The following NME7 variants were observed in gnomAD, a reference collection of about 807,000 sequenced individuals.
NME7 encodes NME/NM23 family member 7.
Under a neutral mutation model 49.1 loss-of-function variants are expected in NME7, and 41 were observed. The ratio of observed to expected loss-of-function variants is 0.83; its 90% CI spans 0.65 to 1.08. NME7 has a LOEUF of 1.08. Among genes scored for constraint, NME7 ranks in the 50% least tolerant of loss-of-function variants. The pLI, the probability that NME7 is intolerant of heterozygous loss-of-function variation, is 0.00. For synonymous variants in NME7, 139 were observed against 150.6 expected, an observed-to-expected ratio of 0.92 and a Z score of 0.56; for missense variants, 423 against 463.4, an observed-to-expected ratio of 0.91 and a Z score of 0.80.
intron 5 of NME7, chr1:169,302,247 AT>A (rs1650970467): frequency 6.6e-6 from 1 of 152,142 alleles, no homozygotes; most frequent in Non-Finnish European, 1.5e-5. Flanking sequence ...CTTAAATCCC[AT>A]TACTGCTATA....
intron 11 of NME7, among the ~76,000 whole-genome samples, chr1:169,146,421 A>G (rs889213563): frequency 6.6e-6 from 1 of 152,208 alleles, no homozygotes; most frequent in Non-Finnish European, 1.5e-5. Flanking sequence ...AAACTCACCA[A>G]AAGTACAGCC....
At chr1:169,204,903 T>TAATTCC (rs1660634558) in intron 10 of NME7, among the ~76,000 whole-genome samples, 1 of 152,150 alleles carries the variant, frequency 6.6e-6, no homozygotes, top group African/African-American at 2.4e-5. Flanking sequence ...ACAGATGGTG[T>TAATTCC]AATTCCATTG....
intron 10 of NME7, among the ~76,000 whole-genome samples, chr1:169,183,018 A>G (rs1267316186): frequency 6.6e-6 from 1 of 152,218 alleles, no homozygotes; most frequent in African/African-American, 2.4e-5. Context: ...ACTAGGACAC[A>G]CCTGCCTGAG....
intron 9 of NME7, 97 bp downstream of exon 9, chr1:169,235,034 G>A (rs1410816480): frequency 1.9e-6 from 1 of 539,804 alleles, no homozygotes. Context: ...TTTCAGTCTG[G>A]CCATTTGGGA....
intron 11 of NME7, among the ~76,000 whole-genome samples, chr1:169,165,099 A>ATTAT (rs3981319): frequency 2.0e-5 from 3 of 151,850 alleles, no homozygotes; most frequent in African/African-American, 7.2e-5. Context: ...AATGTCTCAT[A>ATTAT]AATACCATAA....
At chr1:169,313,131 A>G (rs1651462238) in intron 3 of NME7, among the ~76,000 whole-genome samples, 1 of 151,660 alleles carries the variant, frequency 6.6e-6, no homozygotes, top group Non-Finnish European at 1.5e-5. Flanking sequence ...AAACTAAAAA[A>G]GTTGATATTT....
At chr1:169,146,622 C>T (rs544720840) in intron 11 of NME7, among the ~76,000 whole-genome samples, 5 of 152,182 alleles carry the variant, frequency 3.3e-5, no homozygotes, top group Non-Finnish European at 5.9e-5. Context: ...AACCCAATGA[C>T]CTTTTAATAA....
At position 169,150,688 on chromosome 1, in the gene NME7, A is replaced by G. The variant is rs372172305; in HGVS notation, c.1099-17871T>C. Among the ~76,000 whole-genome samples the G allele has an allele frequency of 5.2e-4, 79 of 151,936 alleles. 2 individuals carry two copies. In the East Asian group the frequency reaches 0.013, roughly 25 times the overall value. On this transcript the variant is annotated intron_variant, in intron 11 of 11. Transcript: ENST00000367811. ...TCTCAAACTTCAGCTACAAAAGGGAATCATCCATGAGTTTAATTGTACTGC... is the reference window on the plus strand; with the variant it reads ...TCTCAAACTTCAGCTACAAAAGGGAGTCATCCATGAGTTTAATTGTACTGC...
Position 169,197,920 on chromosome 1 carries a change from AACAG to A in NME7, c.991-28370_991-28367del, listed in dbSNP as rs551242112. On this transcript the variant is annotated intron_variant, in intron 10 of 11. Coordinates refer to ENST00000367811, the MANE Select transcript of NME7 (RefSeq NM_013330.5). ...TTCAAAGGACACCAACAAGAAAAGT[AACAG>A]ACAGCCCACAGAATGGGAGAAAATA... Among the ~76,000 whole-genome samples the A allele has an allele frequency of 8.5e-5, 13 of 152,272 alleles. No homozygotes were observed. The South Asian group carries it at 1.7e-3, about 19-fold the overall frequency.
chr1:169,255,899 T>A lies in NME7; in HGVS notation c.755-18212A>T, dbSNP rs1162571987. 3.0e-5 allele frequency among the ~76,000 whole-genome samples: 4 copies of A among 133,480 alleles called. 1 individual carries two copies. The highest frequency in any genetic ancestry group is 7.0e-5 in the Non-Finnish European group (4 of 56,878). The allele number at this position is 133,480 out of a possible 152,430, so 87.6% of individuals were successfully genotyped here. Reference sequence around the variant, plus strand: ...GAATGGTGAATATTGGCCCCCACTCTCTTCTGGCTTGTAGGGTTTCTGCCG... The same window carrying A: ...GAATGGTGAATATTGGCCCCCACTCACTTCTGGCTTGTAGGGTTTCTGCCG... On this transcript the variant is annotated intron_variant, in intron 7 of 11. Coordinates refer to ENST00000367811, the MANE Select transcript of NME7 (RefSeq NM_013330.5).
intron 10 of NME7, among the ~76,000 whole-genome samples, chr1:169,174,078 C>T (rs1437284527): frequency 6.6e-6 from 1 of 152,130 alleles, no homozygotes; most frequent in African/African-American, 2.4e-5. Flanking sequence ...TATGTTACAG[C>T]TCATCATAAG....
chr1:169,184,218 G>A (rs1014741058), intron 10 of NME7, among the ~76,000 whole-genome samples: 4 of 151,286 alleles, frequency 2.6e-5, no homozygotes, highest in Non-Finnish European at 5.9e-5. Flanking sequence ...CCCTGCAAAC[G>A]TAGTGTTCAG....
chr1:169,160,547 G>A lies in NME7; in HGVS notation c.1098+8900C>T, dbSNP rs1248754407. 3.9e-5 allele frequency among the ~76,000 whole-genome samples: 6 copies of A among 152,042 alleles called. No individual in the cohort carries two copies. In the East Asian group the frequency reaches 1.2e-3, roughly 29 times the overall value. ...TATAATACTCCAAGGGGTCTGGGAAGTCACTCATCATCAAATACATTAATA... is the reference window on the plus strand; with the variant it reads ...TATAATACTCCAAGGGGTCTGGGAAATCACTCATCATCAAATACATTAATA... On this transcript the variant is annotated intron_variant, in intron 11 of 11. Coordinates refer to ENST00000367811, the MANE Select transcript of NME7 (RefSeq NM_013330.5).
At chr1:169,292,118 G>A (rs2420016) in intron 6 of NME7, among the ~76,000 whole-genome samples, 47,895 of 151,944 alleles carry the variant, frequency 0.32, 8,411 homozygotes, top group East Asian at 0.67. Context: ...GCATAATGCT[G>A]GAAGAATATA....
intron 10 of NME7, among the ~76,000 whole-genome samples, chr1:169,207,587 A>AT (rs1017693106): frequency 1.3e-4 from 20 of 152,178 alleles, no homozygotes; most frequent in African/African-American, 4.3e-4. Flanking sequence ...AAACAAAATG[A>AT]TTTTTTTCCA....
In NME7 at chr1:169,231,151, T is replaced by C. The variant is rs150658072; in HGVS notation, c.889-332A>G. Reference sequence around the variant, plus strand: ...ATTCACATTACTAAATATATATATATAAATTTCAAAGGTTTTATCCTAAAA... The same window carrying C: ...ATTCACATTACTAAATATATATATACAAATTTCAAAGGTTTTATCCTAAAA... On this transcript the variant is annotated intron_variant, in intron 9 of 11. Transcript: ENST00000367811. 2.6e-5 allele frequency among the ~76,000 whole-genome samples: 4 copies of C among 152,230 alleles called. No homozygotes were observed. In the East Asian group the frequency reaches 5.8e-4, roughly 22 times the overall value.
At chr1:169,355,136 TA>T (rs1557837460) in intron 1 of NME7, among the ~76,000 whole-genome samples, 6 of 39,968 alleles carry the variant, frequency 1.5e-4, no homozygotes, top group Admixed American at 5.7e-4. Flanking sequence ...ATTATAGATA[TA>T]ATATATAATA....
chr1:169,288,231 C>A (rs555500887), intron 6 of NME7, among the ~76,000 whole-genome samples: 41 of 152,200 alleles, frequency 2.7e-4, no homozygotes, highest in Non-Finnish European at 5.6e-4. Context: ...TCCATCAAAT[C>A]ATAAATTTGA....
chr1:169,358,972 T>C (rs966537705), intron 1 of NME7, among the ~76,000 whole-genome samples: 15 of 152,248 alleles, frequency 9.9e-5, no homozygotes, highest in African/African-American at 3.6e-4. Context: ...AAAAATATGT[T>C]AGTATTGTGT....
Sources: allele counts gnomAD v4.1 joint callset (sites outside exome capture counted in the v4.1 genomes callset), GRCh38; gene constraint gnomAD v4.1.1; transcripts MANE v1.5; gene names NCBI Gene and HGNC (gene_info 2026-07-23, HGNC 2026-07-21).